The following HSH2D variants were observed in gnomAD, a reference collection of about 807,000 sequenced individuals.
HSH2D encodes hematopoietic SH2 domain containing.
A neutral mutation model predicts 21.5 loss-of-function variants in HSH2D; 16 were observed. The observed-to-expected ratio is 0.74, with a 90% CI of 0.50 to 1.13. The LOEUF (loss-of-function observed/expected upper bound fraction) is 1.13, where lower values mean the gene tolerates loss of function less well. Among genes scored for constraint, HSH2D ranks in the 50% most tolerant of loss-of-function variants. HSH2D has a pLI of 0.00. For synonymous variants in HSH2D, 172 were observed against 184.7 expected, an observed-to-expected ratio of 0.93 and a Z score of 0.56; for missense variants, 418 against 441.4, an observed-to-expected ratio of 0.95 and a Z score of 0.47.
At position 16,148,788 on chromosome 19, in the gene HSH2D, C is replaced by A; in HGVS notation, c.38C>A (p.Pro13Gln). ...GGGAAGCTGCCCCTACCGCTACCCCCACGGCTGGACTGGTTTGTGCACACC... is the reference window on the plus strand; with the variant it reads ...GGGAAGCTGCCCCTACCGCTACCCCAACGGCTGGACTGGTTTGTGCACACC... Reference protein sequence around the residue: ...EAGKLPLPLPPRLDWFVHTQM... With the variant: ...EAGKLPLPLPQRLDWFVHTQM... The change falls in exon 2 of 6, where the codon CCA (proline) becomes CAA (glutamine). Residue 13 changes from proline to glutamine, a missense_variant. Coordinates refer to ENST00000613986, the MANE Select transcript of HSH2D (RefSeq NM_001382417.1). 6.2e-7 allele frequency: 1 copy of A among 1,613,946 alleles called. No homozygotes were observed. The highest frequency in any genetic ancestry group is 8.5e-7 in the Non-Finnish European group (1 of 1,179,878).
chr19:16,156,613 G>A lies in HSH2D; in HGVS notation c.475-597G>A, dbSNP rs147803652. Among the ~76,000 whole-genome samples the A allele has an allele frequency of 3.1e-3, 479 of 152,294 alleles. 2 individuals are homozygous for A. The highest frequency in any genetic ancestry group is 9.6e-3 in the African/African-American group (399 of 41,572). ...GGTTCACGTGTGACCTCTGGCATCCGCTACAACAGCAGAGCTACATAATTG... is the reference window on the plus strand; with the variant it reads ...GGTTCACGTGTGACCTCTGGCATCCACTACAACAGCAGAGCTACATAATTG... On this transcript the variant is annotated intron_variant, in intron 5 of 5. Coordinates refer to ENST00000613986, the MANE Select transcript of HSH2D (RefSeq NM_001382417.1).
Position 16,152,623 on chromosome 19 carries a change from G to T in HSH2D, c.197G>T (p.Gly66Val). The change falls in exon 3 of 6, where the codon GGC (glycine) becomes GTC (valine). Residue 66 changes from glycine to valine, a missense_variant. Physicochemically the swap from Gly to Val is moderately radical, Grantham distance 109. Coordinates refer to ENST00000613986, the MANE Select transcript of HSH2D (RefSeq NM_001382417.1). ...FLIRVSHSHV[G>V]YTLSYKAQSS... ...ATCAGGGTCAGTCACAGCCATGTGGGCTACACACTCTCCTACAAGTAAGGC... is the reference window on the plus strand; with the variant it reads ...ATCAGGGTCAGTCACAGCCATGTGGTCTACACACTCTCCTACAAGTAAGGC... The T allele has an allele frequency of 6.5e-7, 1 of 1,533,466 alleles. No homozygotes were observed. The highest frequency in any genetic ancestry group is 1.8e-4 in the Middle Eastern group (1 of 5,682). 95.0% of individuals were successfully genotyped at this position (1,533,466 alleles called of 1,614,324 possible).
At chr19:16,153,240 A>G in intron 4 of HSH2D, 32 bp downstream of exon 4, 4 of 1,472,044 alleles carry the variant, frequency 2.7e-6, no homozygotes, top group African/African-American at 1.4e-5. Context: ...GTTCACAGCC[A>G]TTTCCTTGGG....
At chr19:16,134,762 C>T (rs527704202) in intron 1 of HSH2D, among the ~76,000 whole-genome samples, 2 of 152,258 alleles carry the variant, frequency 1.3e-5, no homozygotes, top group East Asian at 3.9e-4. Context: ...GTCCTCACCT[C>T]TGTGTTTCAA....
At chr19:16,144,382 C>T (rs2091035508) in intron 1 of HSH2D, among the ~76,000 whole-genome samples, 1 of 151,494 alleles carries the variant, frequency 6.6e-6, no homozygotes, top group African/African-American at 2.4e-5. Context: ...AGGAAAGCTG[C>T]CTGGAGGAGG....
chr19:16,148,888 C>G lies in HSH2D; in HGVS notation c.125+13C>G, dbSNP rs774158598. 6.8e-5 allele frequency: 109 copies of G among 1,599,992 alleles called. No homozygotes were observed. The highest frequency in any genetic ancestry group is 9.2e-5 in the Non-Finnish European group (108 of 1,171,708). The stretch of plus-strand genomic sequence containing the variant: ...CAATCTCAAGAGAGTGAGGACACAC[C>G]CACACCCTCCACCCTGCCCTCCCCA... On this transcript the variant is annotated intron_variant, in intron 2 of 5. Transcript: ENST00000613986.
chr19:16,151,507 C>T (rs8101408), intron 2 of HSH2D: 3 of 455,558 alleles, frequency 6.6e-6, no homozygotes, highest in Admixed American at 2.4e-5. Flanking sequence ...AAGGGAGAGA[C>T]GATTGCCTGA....
rs931405118 is a variant in HSH2D, at chr19:16,153,028, G to T, written c.216-15G>T. 13 of 1,605,644 alleles carry T rather than the reference G, an allele frequency of 8.1e-6. No homozygotes were observed. The highest frequency in any genetic ancestry group is 1.0e-5 in the Non-Finnish European group (12 of 1,176,300). ...GGGGGAGTAGGATGTCCCAGCCCCCGCAGTGTCTCCGCAGAGCCCAAAGCA... is the reference window on the plus strand; with the variant it reads ...GGGGGAGTAGGATGTCCCAGCCCCCTCAGTGTCTCCGCAGAGCCCAAAGCA... On this transcript the variant is annotated splice_polypyrimidine_tract_variant and intron_variant, in intron 3 of 5. Transcript: ENST00000613986.
Position 16,148,808 on chromosome 19 carries a change from C to T in HSH2D, c.58C>T (p.His20Tyr). The T allele has an allele frequency of 1.2e-6, 2 of 1,613,862 alleles. No homozygotes were observed. The highest frequency in any genetic ancestry group is 1.7e-6 in the Non-Finnish European group (2 of 1,179,830). Residue 20 changes from histidine to tyrosine, a missense_variant, in exon 2 of 6, where the codon CAC (histidine) becomes TAC (tyrosine). By Grantham distance (83) the His-to-Tyr change is moderately conservative. Transcript: ENST00000613986. ...PLPPRLDWFV[H>Y]TQMGQLAQDG... ...ACCCCCACGGCTGGACTGGTTTGTG[C>T]ACACCCAGATGGGCCAGCTGGCCCA...
chr19:16,152,971 G>T (rs1323581492), intron 3 of HSH2D, 72 bp from the exon 4 acceptor site: 1 of 1,543,182 alleles, frequency 6.5e-7, no homozygotes. Flanking sequence ...GACGCTGCCG[G>T]CCCAAGGGCT....
intron 3 of HSH2D, 196 bp from the exon 4 acceptor site, chr19:16,152,847 G>A (rs1157782144): frequency 1.3e-6 from 1 of 777,454 alleles, no homozygotes; most frequent in East Asian, 2.7e-5. Context: ...TTGTACTCCT[G>A]TGTTATAAAT....
At chr19:16,138,573 T>G (rs1404309263) in intron 1 of HSH2D, among the ~76,000 whole-genome samples, 1 of 151,766 alleles carries the variant, frequency 6.6e-6, no homozygotes, top group Non-Finnish European at 1.5e-5. Flanking sequence ...TTCTTCTGCC[T>G]CAGCCTCCCG....
intron 4 of HSH2D, among the ~76,000 whole-genome samples, chr19:16,153,815 G>A (rs1029443734): frequency 6.7e-6 from 1 of 148,906 alleles, no homozygotes; most frequent in African/African-American, 2.5e-5. Context: ...TGCTGAGGGG[G>A]GTTATCTCTC....
intron 5 of HSH2D, among the ~76,000 whole-genome samples, chr19:16,155,181 A>C (rs1016215139): frequency 1.3e-5 from 2 of 152,124 alleles, no homozygotes; most frequent in Non-Finnish European, 2.9e-5. Context: ...TTGAAGTCTA[A>C]GTGCTCTCCA....
chr19:16,145,707 A>G (rs1299100937), intron 1 of HSH2D, among the ~76,000 whole-genome samples: 1 of 152,176 alleles, frequency 6.6e-6, no homozygotes, highest in African/African-American at 2.4e-5. Context: ...AGCCCAGTAA[A>G]AAGATCTTTT....
chr19:16,140,265 T>C (rs960828882), upstream of HSH2D, among the ~76,000 whole-genome samples: 2 of 151,964 alleles, frequency 1.3e-5, no homozygotes, highest in African/African-American at 4.8e-5. Context: ...CTTGCACCAC[T>C]GCACTCCAGC....
chr19:16,152,571 G>C lies in HSH2D; in HGVS notation c.145G>C (p.Glu49Gln). ...TTCCAGGGATGCTGAGAACTTGCTGGAGTCACAGCCACTGGGATCCTTTCT... is the reference window on the plus strand; with the variant it reads ...TTCCAGGGATGCTGAGAACTTGCTGCAGTCACAGCCACTGGGATCCTTTCT... ...ISREDAENLL[E>Q]SQPLGSFLIR... Residue 49 changes from glutamate (E) to glutamine (Q), a missense_variant, in exon 3 of 6, where the codon GAG becomes CAG. By Grantham distance (29) the Glu-to-Gln change is conservative. Coordinates refer to ENST00000613986, the MANE Select transcript of HSH2D (RefSeq NM_001382417.1). 6.7e-7 allele frequency: 1 copy of C among 1,503,392 alleles called. No homozygotes were observed. Among genetic ancestry groups the C allele is most frequent in the Non-Finnish European group, 8.9e-7 (1 of 1,128,228 alleles). The allele number at this position is 1,503,392 out of a possible 1,614,324, so 93.1% of individuals were successfully genotyped here. A position where few individuals can be genotyped will look rare whatever the true frequency, so the allele number is the denominator to read the frequency against.
At chr19:16,146,916 CCT>C (rs1366063694) in intron 1 of HSH2D, among the ~76,000 whole-genome samples, 1 of 151,458 alleles carries the variant, frequency 6.6e-6, no homozygotes, top group Non-Finnish European at 1.5e-5. Flanking sequence ...ACCTCTGCCT[CCT>C]GAGTTCTAGC....
At chr19:16,148,937 C>A (rs2091110468) in intron 2 of HSH2D, 62 bp downstream of exon 2, 1 of 1,515,464 alleles carries the variant, frequency 6.6e-7, no homozygotes, top group Non-Finnish European at 8.9e-7. Context: ...TGTCCCTACC[C>A]TGGGCAGCTT....
Sources: allele counts gnomAD v4.1 joint callset (sites outside exome capture counted in the v4.1 genomes callset), GRCh38; gene constraint gnomAD v4.1.1; transcripts MANE v1.5; gene names NCBI Gene and HGNC (gene_info 2026-07-23, HGNC 2026-07-21).